NPEPL1: variants seen among roughly 807,000 people sequenced by gnomAD.
The protein encoded by NPEPL1 is probable aminopeptidase NPEPL1.
In NPEPL1, 45 loss-of-function variants were observed where a neutral mutation model predicts 52.4. The ratio of observed to expected loss-of-function variants is 0.86; its 90% CI spans 0.68 to 1.10. The LOEUF (loss-of-function observed/expected upper bound fraction) is 1.10, where lower values mean the gene tolerates loss of function less well. Among genes scored for constraint, NPEPL1 ranks in the 50% least tolerant of loss-of-function variants. The pLI, the probability that NPEPL1 is intolerant of heterozygous loss-of-function variation, is 0.00. For synonymous variants in NPEPL1, 360 were observed against 314.7 expected (o/e 1.14, Z -1.52); for missense variants, 696 against 710.9 (o/e 0.98, Z 0.24).
intron 5 of NPEPL1, among the ~76,000 whole-genome samples, chr20:58,700,464 CATG>C (rs1336428704): frequency 6.6e-6 from 1 of 152,210 alleles, no homozygotes; most frequent in Non-Finnish European, 1.5e-5. Flanking sequence ...GTCAGGCAGC[CATG>C]ATTAGCTCTC....
Position 58,714,083 on chromosome 20 carries a change from A to C in NPEPL1, c.1292A>C (p.Asn431Thr). The change falls in exon 10 of 12, where the codon AAC (asparagine) becomes ACC (threonine). Residue 431 changes from asparagine (N) to threonine (T), a missense_variant. By Grantham distance (65) the Asn-to-Thr change is moderately conservative. Coordinates refer to ENST00000356091, the MANE Select transcript of NPEPL1 (RefSeq NM_024663.4). ...EFTSAVADMK[N>T]SVADRDNSPS... The stretch of plus-strand genomic sequence containing the variant: ...ACCTCAGCTGTGGCGGACATGAAGA[A>C]CTCAGTGGCGGTAGGTTTGGAGCCT... 1 of 1,547,322 alleles carries C rather than the reference A, an allele frequency of 6.5e-7. No individual in the cohort carries two copies. Among genetic ancestry groups the C allele is most frequent in the Non-Finnish European group, 8.7e-7 (1 of 1,147,894 alleles).
Position 58,715,604 on chromosome 20 carries a change from G to A in NPEPL1, c.*278G>A, listed in dbSNP as rs1453602118. The A allele has an allele frequency of 3.4e-6, 1 of 292,306 alleles. No homozygotes were observed. The highest frequency in any genetic ancestry group is 6.4e-6 in the Non-Finnish European group (1 of 157,474). The allele number at this position is 292,306 out of a possible 1,614,324, so 18.1% of individuals were successfully genotyped here. ...CCCCTGGGGCCTTCTGCACCCCGGG[G>A]TGAGGCCTCCTGCCTGCCTGGTGCC... is the stretch of plus-strand genomic sequence containing the variant. On this transcript the variant is annotated 3_prime_UTR_variant, in exon 12 of 12. Coordinates refer to ENST00000356091, the MANE Select transcript of NPEPL1 (RefSeq NM_024663.4).
In NPEPL1 at chr20:58,692,861, G is replaced by T; in HGVS notation, c.-40G>T. 1 of 997,942 alleles carries T rather than the reference G, an allele frequency of 1.0e-6. No homozygotes were observed. The allele number at this position is 997,942 out of a possible 1,614,324, so 61.8% of individuals were successfully genotyped here. ...GCGAAGGGGGCCGAGCGGCGGGCCG[G>T]GCCGGGCCGGGCAGGGCCGGGGCGT... On this transcript the variant is annotated 5_prime_UTR_variant, in exon 1 of 12. Coordinates refer to ENST00000356091, the MANE Select transcript of NPEPL1 (RefSeq NM_024663.4). The surrounding 1 kb of genome is among the most constrained non-coding windows in gnomAD (Gnocchi z 5.7).
chr20:58,707,157 G>T lies in NPEPL1; in HGVS notation c.857G>T (p.Gly286Val). Residue 286 changes from glycine to valine, a missense_variant, in exon 7 of 12, where the codon GGT becomes GTT. Coordinates refer to ENST00000356091, the MANE Select transcript of NPEPL1 (RefSeq NM_024663.4). ...CCGGGGATGAAGCGAGACTGCGGGGGTGCTGCGGCCGTCCTGGGGGCCTTC... is the reference window on the plus strand; with the variant it reads ...CCGGGGATGAAGCGAGACTGCGGGGTTGCTGCGGCCGTCCTGGGGGCCTTC... The part of the protein sequence containing the change: ...TMPGMKRDCG[G>V]AAAVLGAFRA... The T allele has an allele frequency of 6.4e-7, 1 of 1,552,694 alleles. No individual in the cohort carries two copies. The highest frequency in any genetic ancestry group is 8.7e-7 in the Non-Finnish European group (1 of 1,147,864).
rs1413623570 is a variant in NPEPL1, at chr20:58,713,856, G to A, written c.1126-61G>A. On this transcript the variant is annotated intron_variant, in intron 9 of 11. Transcript: ENST00000356091. The surrounding 1 kb of genome is among the most constrained non-coding windows in gnomAD (Gnocchi z 4.6). The stretch of plus-strand genomic sequence containing the variant: ...CTGTCTGCCTCCCGGTCCCTCTTTT[G>A]CCTTGGGTGTTTCTCTCCTGCCGTC... 2.9e-5 allele frequency: 41 copies of A among 1,400,160 alleles called. No homozygotes were observed. The highest frequency in any genetic ancestry group is 9.8e-5 in the Admixed American group (3 of 30,668). 86.7% of individuals were successfully genotyped at this position (1,400,160 alleles called of 1,614,324 possible).
intron 3 of NPEPL1, 100 bp from the exon 4 acceptor site, chr20:58,698,584 G>A: frequency 1.1e-6 from 1 of 920,564 alleles, no homozygotes; most frequent in Non-Finnish European, 1.7e-6. Context: ...GTAGCCCTGT[G>A]GGTGATGTTT....
chr20:58,699,111 C>A, intron 4 of NPEPL1, 86 bp from the exon 5 acceptor site: 1 of 1,292,946 alleles, frequency 7.7e-7, no homozygotes, highest in South Asian at 1.3e-5. Context: ...GGCAGCGGTT[C>A]ATCCCTGGCC....
intron 5 of NPEPL1, among the ~76,000 whole-genome samples, chr20:58,700,046 C>T (rs1031448208): frequency 3.3e-5 from 5 of 152,200 alleles, no homozygotes; most frequent in Non-Finnish European, 7.3e-5. Context: ...AGGCTCACAA[C>T]AGGCTGCTGG....
At chr20:58,699,174 G>GT (rs780596222) in intron 4 of NPEPL1, 23 bp from the exon 5 acceptor site, 8 of 1,569,268 alleles carry the variant, frequency 5.1e-6, no homozygotes, top group Admixed American at 1.9e-5. Context: ...TTGTGCTGTT[G>GT]TTTTTTCCAT....
intron 5 of NPEPL1, 65 bp downstream of exon 5, chr20:58,699,343 A>G (rs1401254483): frequency 4.7e-6 from 6 of 1,287,210 alleles, no homozygotes; most frequent in African/African-American, 1.5e-5. Flanking sequence ...CTTGGGTGGC[A>G]GGGGGTCGGC....
chr20:58,698,735 A>G lies in NPEPL1; in HGVS notation c.559A>G (p.Thr187Ala), dbSNP rs1174017099. ...GCGGCTAGCAGCCCGCATCGTGGAC[A>G]CACCCTGCAATGAGATGAACACCGA... Reference protein sequence around the residue: ...GVRLAARIVDTPCNEMNTDTF... With the variant: ...GVRLAARIVDAPCNEMNTDTF... The change falls in exon 4 of 12, where the codon ACA becomes GCA. Residue 187 changes from threonine to alanine, a missense_variant. Thr to Ala is a moderately conservative substitution (Grantham distance 58, BLOSUM62 0). Transcript: ENST00000356091. The G allele has an allele frequency of 1.2e-6, 2 of 1,612,788 alleles. No homozygotes were observed. The highest frequency in any genetic ancestry group is 1.7e-6 in the Non-Finnish European group (2 of 1,179,836).
chr20:58,712,770 G>A (rs1464862463), intron 8 of NPEPL1, 191 bp downstream of exon 8: 2 of 683,268 alleles, frequency 2.9e-6, no homozygotes, highest in Non-Finnish European at 5.4e-6. Context: ...AGGGGCCCAT[G>A]GCACCTGGAT....
Position 58,701,078 on chromosome 20 carries a change from CCA to C in NPEPL1, c.743_744del (p.Pro248ArgfsTer17). 1.3e-6 allele frequency: 2 copies of C among 1,596,034 alleles called. No individual in the cohort carries two copies. Among genetic ancestry groups the C allele is most frequent in the Non-Finnish European group, 1.7e-6 (2 of 1,172,296 alleles). ...PPALAVLSHT[P>X]DGATQTIAWV... ...AGCCCTGGCCGTCCTCAGCCACACC[CCA>C]GATGGAGCCACGCAGACCATCGCCT... On this transcript the variant is annotated frameshift_variant, in exon 6 of 12. Transcript: ENST00000356091. LOFTEE classifies it high-confidence loss of function.
intron 3 of NPEPL1, among the ~76,000 whole-genome samples, chr20:58,695,044 G>T (rs1398332065): frequency 2.1e-5 from 3 of 145,446 alleles, no homozygotes; most frequent in Non-Finnish European, 1.5e-5. Flanking sequence ...GTGTTGCTGT[G>T]TATGTTTGCT....
intron 1 of NPEPL1, chr20:58,693,448 G>T: frequency 3.0e-6 from 1 of 335,724 alleles, no homozygotes; most frequent in Non-Finnish European, 5.4e-6. Context: ...CCCCTCTCTG[G>T]TGGAAGCCGC....
At chr20:58,712,855 C>G (rs2084881371) in intron 8 of NPEPL1, 1 of 513,708 alleles carries the variant, frequency 1.9e-6, no homozygotes, top group South Asian at 1.9e-5. Context: ...CAGGTCTTTC[C>G]AAAATTTAGG....
intron 1 of NPEPL1, 81 bp from the exon 2 acceptor site, chr20:58,693,656 G>A: frequency 3.8e-6 from 5 of 1,301,430 alleles, no homozygotes; most frequent in Non-Finnish European, 4.3e-6. Flanking sequence ...GAGTGGTTGT[G>A]GCCGTGGCTG....
rs572683184 is a variant in NPEPL1 at position 58,715,100 on chromosome 20, G to C, written c.1414-68G>C. 1,376 of 1,507,698 alleles carry C rather than the reference G, an allele frequency of 9.1e-4. 1 individual carries two copies. Among genetic ancestry groups the C allele is most frequent in the Non-Finnish European group, 1.2e-3 (1,345 of 1,133,746 alleles). The allele number at this position is 1,507,698 out of a possible 1,614,324, so 93.4% of individuals were successfully genotyped here. On this transcript the variant is annotated intron_variant, in intron 11 of 11. Coordinates refer to ENST00000356091, the MANE Select transcript of NPEPL1 (RefSeq NM_024663.4). ...CGTGGAGGGGACCCAGGAGGTGAGG[G>C]GTCCCCAGGAACCCCTCCTGTGCTG...
At chr20:58,704,414 G>A in intron 6 of NPEPL1, 1 of 976,784 alleles carries the variant, frequency 1.0e-6, no homozygotes, top group Non-Finnish European at 1.2e-6. Context: ...CCCCAAAGAG[G>A]CTTTTTGTAT....
Sources: allele counts gnomAD v4.1 joint callset (sites outside exome capture counted in the v4.1 genomes callset), GRCh38; gene constraint gnomAD v4.1.1; non-coding constraint Gnocchi (gnomAD v3.1); transcripts MANE v1.5; gene names NCBI Gene and HGNC (gene_info 2026-07-23, HGNC 2026-07-21).